The following PARVB variants were observed in gnomAD, a reference collection of about 807,000 sequenced individuals.
The protein encoded by PARVB is parvin beta, also known as beta-parvin.
In PARVB, 46 loss-of-function variants were observed where a neutral mutation model predicts 47.0. The observed-to-expected ratio is 0.98, with a 90% CI of 0.77 to 1.25. PARVB has a LOEUF of 1.25. Ranked by LOEUF, PARVB falls within the 50% of genes most tolerant of loss-of-function variation. The pLI is 0.00. For synonymous variants in PARVB, 196 were observed against 196.3 expected (o/e 1.00, Z 0.01); for missense variants, 473 against 471.6 (o/e 1.00, Z -0.03).
At chr22:44,123,867 A>G (rs2053128658) in intron 4 of PARVB, among the ~76,000 whole-genome samples, 1 of 152,238 alleles carries the variant, frequency 6.6e-6, no homozygotes, top group African/African-American at 2.4e-5. Flanking sequence ...ACTGGGAACC[A>G]TGCAAGCTGC....
intron 2 of PARVB, 40 bp from the exon 3 acceptor site, chr22:44,100,013 C>A (rs370506960): frequency 2.5e-5 from 39 of 1,561,064 alleles, no homozygotes; most frequent in Non-Finnish European, 3.4e-5. Flanking sequence ...CCCTGCCACC[C>A]CCACAATCGC....
intron 2 of PARVB, among the ~76,000 whole-genome samples, chr22:44,004,244 G>T (rs185441497): frequency 6.6e-5 from 10 of 152,380 alleles, no homozygotes; most frequent in African/African-American, 2.4e-4. Flanking sequence ...CAGAGGTGCT[G>T]GGGCAGGAGC....
intron 1 of PARVB, among the ~76,000 whole-genome samples, chr22:44,035,523 A>ACCGTG (rs2050905776): frequency 6.6e-6 from 1 of 151,846 alleles, no homozygotes. Context: ...GGCATGTGCC[A>ACCGTG]CCGTGCCCGG....
At position 44,125,260 on chromosome 22, in the gene PARVB, TCGG is replaced by T. The variant is rs1375247804; in HGVS notation, c.376+6121_376+6123del. On this transcript the variant is annotated intron_variant, in intron 4 of 12. Transcript: ENST00000338758. The surrounding 1 kb of genome is among the most constrained non-coding windows in gnomAD (Gnocchi z 4.1). ...ATGAATGTTCATTGGCTTACATGTG[TCGG>T]GTGGCTCTTGGCTGTAGAGACACAG... Among the ~76,000 whole-genome samples the T allele has an allele frequency of 7.2e-5, 11 of 151,920 alleles. No homozygotes were observed. Among genetic ancestry groups the T allele is most frequent in the Admixed American group, 1.3e-4 (2 of 15,264 alleles).
chr22:44,074,895 C>T (rs559726234), intron 1 of PARVB, among the ~76,000 whole-genome samples: 61 of 152,240 alleles, frequency 4.0e-4, no homozygotes, highest in African/African-American at 1.4e-3. Flanking sequence ...AAGCAGAGGA[C>T]GGAGGAGCCC....
At chr22:44,161,359 G>A (rs902973408) in intron 11 of PARVB, among the ~76,000 whole-genome samples, 10 of 147,858 alleles carry the variant, frequency 6.8e-5, no homozygotes, top group African/African-American at 2.5e-4. Context: ...TCTCACCCAG[G>A]CTGGAGTGCA....
chr22:44,154,809 GTT>G (rs768307715), intron 10 of PARVB, among the ~76,000 whole-genome samples: 23 of 146,472 alleles, frequency 1.6e-4, no homozygotes, highest in Admixed American at 4.8e-4. Context: ...TGTGTGTGTA[GTT>G]TTTGTAGTCT....
Position 44,119,066 on chromosome 22 carries a change from T to C in PARVB, c.302T>C (p.Leu101Pro), listed in dbSNP as rs762513099. Residue 101 changes from leucine (L) to proline (P), a missense_variant, in exon 4 of 13, where the codon CTG (leucine) becomes CCG (proline). Physicochemically the swap from Leu to Pro is moderately conservative, Grantham distance 98. Coordinates refer to ENST00000338758, the MANE Select transcript of PARVB (RefSeq NM_013327.5). ...KVLLDWINDV[L>P]VEERIIVKQL... ...CTCCTCGACTGGATTAATGACGTGC[T>C]GGTGGAGGAGAGGATCATTGTGAAG... The C allele has an allele frequency of 1.9e-6, 3 of 1,614,094 alleles. No individual in the cohort carries two copies. The Admixed American group carries it at 5.0e-5, about 27-fold the overall frequency.
At chr22:44,035,473 C>T (rs564650223) in intron 1 of PARVB, among the ~76,000 whole-genome samples, 13 of 149,378 alleles carry the variant, frequency 8.7e-5, no homozygotes, top group Admixed American at 2.7e-4. Context: ...TGGGTTCAAG[C>T]GATTCTCCTG....
intron 1 of PARVB, among the ~76,000 whole-genome samples, chr22:44,055,746 TCCCAGGATCTTCAAGCTGGAGA>T (rs1240687251): frequency 6.6e-6 from 1 of 151,952 alleles, no homozygotes; most frequent in Non-Finnish European, 1.5e-5. Flanking sequence ...GACTGAGAAA[TCCCAGGATCTTCAAGCTGGAGA>T]CCCAGGAGGG....
intron 1 of PARVB, among the ~76,000 whole-genome samples, chr22:44,039,208 C>A (rs1445395620): frequency 1.3e-5 from 2 of 152,152 alleles, no homozygotes; most frequent in Non-Finnish European, 2.9e-5. Context: ...ACCATCCTTC[C>A]TATGACCCAG....
intron 1 of PARVB, among the ~76,000 whole-genome samples, chr22:44,036,699 G>A (rs549034187): frequency 6.6e-6 from 1 of 152,250 alleles, no homozygotes; most frequent in South Asian, 2.1e-4. Context: ...GGAGTGCGTT[G>A]GCTCATGCCT....
chr22:44,085,696 C>G (rs542815963), intron 1 of PARVB, among the ~76,000 whole-genome samples: 1 of 152,322 alleles, frequency 6.6e-6, no homozygotes, highest in African/African-American at 2.4e-5. Context: ...GCCTTCTGTG[C>G]CAGGTGCGAG....
intron 4 of PARVB, among the ~76,000 whole-genome samples, chr22:44,123,071 C>T (rs5764547): frequency 0.015 from 2,257 of 152,322 alleles, 56 homozygotes; most frequent in East Asian, 0.12. Context: ...GAGGCTTCAC[C>T]TCTCTCACCT....
intron 2 of PARVB, among the ~76,000 whole-genome samples, chr22:44,096,212 T>G (rs1352470803): frequency 6.6e-6 from 1 of 151,996 alleles, no homozygotes; most frequent in Non-Finnish European, 1.5e-5. Flanking sequence ...GCAACAAGAA[T>G]GAAACTCCAT....
At chr22:44,043,331 C>G (rs925744014) in intron 1 of PARVB, among the ~76,000 whole-genome samples, 4 of 152,100 alleles carry the variant, frequency 2.6e-5, no homozygotes, top group African/African-American at 9.7e-5. Context: ...GATGGTTACA[C>G]AGCTCTGTGA....
chr22:44,083,226 C>G (rs1221961711), intron 1 of PARVB, among the ~76,000 whole-genome samples: 1 of 152,224 alleles, frequency 6.6e-6, no homozygotes, highest in Admixed American at 6.5e-5. Flanking sequence ...GCCGTCAGTT[C>G]AGTTCCCTGA....
chr22:44,114,785 T>C (rs1481393401), intron 3 of PARVB: 1 of 131,270 alleles, frequency 7.6e-6, no homozygotes, highest in South Asian at 2.7e-4. Flanking sequence ...AGATACATTG[T>C]TACTAAGTAA....
In PARVB at chr22:44,034,670, G is replaced by A. The variant is rs910597088; in HGVS notation, c.112+10219G>A. Among the ~76,000 whole-genome samples the A allele has an allele frequency of 4.4e-4, 52 of 117,460 alleles. 1 individual carries two copies. In the South Asian group the frequency reaches 5.0e-3, roughly 11 times the overall value. The allele number at this position is 117,460 out of a possible 152,430, so 77.1% of individuals were successfully genotyped here. On this transcript the variant is annotated intron_variant, in intron 1 of 12. Coordinates refer to ENST00000338758, the MANE Select transcript of PARVB (RefSeq NM_013327.5). ...CCTTGAACAGCACAGGGGGAAAGAGGCACTGACCCCCATGCAGTCAGAAAT... is the reference window on the plus strand; with the variant it reads ...CCTTGAACAGCACAGGGGGAAAGAGACACTGACCCCCATGCAGTCAGAAAT...
Sources: allele counts gnomAD v4.1 joint callset (sites outside exome capture counted in the v4.1 genomes callset), GRCh38; gene constraint gnomAD v4.1.1; non-coding constraint Gnocchi (gnomAD v3.1); transcripts MANE v1.5; gene names NCBI Gene and HGNC (gene_info 2026-07-23, HGNC 2026-07-21).